The following UGT1A3 variants were observed in gnomAD, a reference collection of about 807,000 sequenced individuals.
UGT1A3 encodes the protein UDP glucuronosyltransferase family 1 member A3, also known as UDP-glucuronosyltransferase 1A3.
In UGT1A3, 31 loss-of-function variants were observed where a neutral mutation model predicts 41.0. That is an observed-to-expected ratio of 0.76 (90% CI 0.57 to 1.02). UGT1A3 has a LOEUF of 1.02. UGT1A3 is among the 50% of genes least tolerant of loss of function. The pLI is 0.00. For missense variants in UGT1A3, 737 were observed against 671.0 expected, an observed-to-expected ratio of 1.10 and a Z score of -1.09; for synonymous variants, 262 against 257.6, an observed-to-expected ratio of 1.02 and a Z score of -0.17.
rs28900404 is a variant in UGT1A3, at chr2:233,769,354, G to A, written c.1307+915G>A. ...TTATTAGAACCTTATGGGAAGAAGT[G>A]GTGGCCAGTGGTAGATTTCATCCGA... On this transcript the variant is annotated intron_variant, in intron 4 of 4. Transcript: ENST00000482026. This position sits in a 1 kb window ranked among gnomAD's most constrained non-coding sequence, Gnocchi z 4.4. Among the ~76,000 whole-genome samples the A allele has an allele frequency of 7.2e-4, 110 of 152,348 alleles. No individual in the cohort carries two copies. The highest frequency in any genetic ancestry group is 2.6e-3 in the African/African-American group (108 of 41,580).
chr2:233,764,999 A>G (rs984767809), intron 1 of UGT1A3, among the ~76,000 whole-genome samples: 8 of 151,978 alleles, frequency 5.3e-5, no homozygotes, highest in Admixed American at 1.3e-4. Flanking sequence ...TTTCCTGGTC[A>G]TGTTCCAAAT....
At position 233,772,525 on chromosome 2, in the gene UGT1A3, G is replaced by T; in HGVS notation, c.1571G>T (p.Arg524Leu). The change falls in exon 5 of 5, where the codon CGA becomes CTA. Residue 524 changes from arginine (R) to leucine (L), a missense_variant. Arg to Leu is a moderately radical substitution (Grantham distance 102). Transcript: ENST00000482026. ...CGGAAATGCTTGGGGAAAAAAGGGCGAGTTAAGAAAGCCCACAAATCCAAG... is the reference window on the plus strand; with the variant it reads ...CGGAAATGCTTGGGGAAAAAAGGGCTAGTTAAGAAAGCCCACAAATCCAAG... ...GYRKCLGKKGRVKKAHKSKTH is the reference protein window; with the variant it reads ...GYRKCLGKKGLVKKAHKSKTH 6.2e-6 allele frequency: 10 copies of T among 1,614,136 alleles called. No individual in the cohort carries two copies. The highest frequency in any genetic ancestry group is 8.5e-6 in the Non-Finnish European group (10 of 1,180,024).
intron 1 of UGT1A3, among the ~76,000 whole-genome samples, chr2:233,730,887 G>T (rs979903664): frequency 2.6e-5 from 4 of 152,076 alleles, no homozygotes; most frequent in African/African-American, 7.2e-5. Context: ...TCTATAGTGG[G>T]ATCTACTCCT....
chr2:233,762,058 G>A (rs1697953737), intron 1 of UGT1A3, among the ~76,000 whole-genome samples: 2 of 151,982 alleles, frequency 1.3e-5, no homozygotes, highest in Non-Finnish European at 2.9e-5. Context: ...TTCCTTCATA[G>A]CACATCAAAT....
At chr2:233,739,640 A>G (rs1691162430) in intron 1 of UGT1A3, among the ~76,000 whole-genome samples, 1 of 152,122 alleles carries the variant, frequency 6.6e-6, no homozygotes, top group African/African-American at 2.4e-5. Context: ...GGGAACATTT[A>G]CCCAATTTCT....
At chr2:233,770,549 T>C (rs1220272101) in intron 4 of UGT1A3, 7 of 151,978 alleles carry the variant, frequency 4.6e-5, no homozygotes, top group Non-Finnish European at 8.8e-5. Flanking sequence ...TCCCAGCTAT[T>C]TGGGAGGCTG....
At chr2:233,760,344 G>C (rs897355036) in intron 1 of UGT1A3, 1 of 1,614,032 alleles carries the variant, frequency 6.2e-7, no homozygotes. Context: ...TGCTGTGTGT[G>C]CTGGGCCCAG....
In UGT1A3 at chr2:233,731,246, C is replaced by T. The variant is rs139669566; in HGVS notation, c.867+1253C>T. Among the ~76,000 whole-genome samples, 684 of 150,450 alleles carry T rather than the reference C, an allele frequency of 4.5e-3. 5 individuals carry two copies. The highest frequency in any genetic ancestry group is 0.016 in the African/African-American group (645 of 41,062). On this transcript the variant is annotated intron_variant, in intron 1 of 4. Coordinates refer to ENST00000482026, the MANE Select transcript of UGT1A3 (RefSeq NM_019093.4). ...GTAAAAATGTTGAAAAGTGGGATGG[C>T]ATTTAAATAGTGACTGTTGCCCTTC... is the stretch of plus-strand genomic sequence containing the variant.
At position 233,757,547 on chromosome 2, in the gene UGT1A3, T is replaced by TAC. The variant is rs1452370067; in HGVS notation, c.868-9486_868-9485insCA. Among the ~76,000 whole-genome samples, 65 of 133,940 alleles carry TAC rather than the reference T, an allele frequency of 4.9e-4. 6 individuals carry two copies. The highest frequency in any genetic ancestry group is 6.5e-4 in the Admixed American group (9 of 13,854). The allele number at this position is 133,940 out of a possible 152,430, so 87.9% of individuals were successfully genotyped here. On this transcript the variant is annotated intron_variant, in intron 1 of 4. Coordinates refer to ENST00000482026, the MANE Select transcript of UGT1A3 (RefSeq NM_019093.4). Reference sequence around the variant, plus strand: ...CTTGCCTGTAAGGAATATATATATATATATATATATATATGTATATATGAT... The same window carrying TAC: ...CTTGCCTGTAAGGAATATATATATATACATATATATATATATGTATATATGAT...
Position 233,769,430 on chromosome 2 carries a change from C to A in UGT1A3, c.1307+991C>A. On this transcript the variant is annotated intron_variant, in intron 4 of 4. Transcript: ENST00000482026. This position sits in a 1 kb window ranked among gnomAD's most constrained non-coding sequence, Gnocchi z 4.4. ...GTGTGCGTTTGTGCATGTGGCTGTG[C>A]TCATGTGTGGGTGCACACGTGTGCA... 1 of 1,537,408 alleles carries A rather than the reference C, an allele frequency of 6.5e-7. No individual in the cohort carries two copies. Among genetic ancestry groups the A allele is most frequent in the Non-Finnish European group, 8.9e-7 (1 of 1,118,580 alleles).
intron 4 of UGT1A3, among the ~76,000 whole-genome samples, chr2:233,771,783 TCTCCCTCCCTCC>T (rs562104634): frequency 6.6e-6 from 1 of 151,556 alleles, no homozygotes; most frequent in African/African-American, 2.4e-5. Context: ...TCCTTTCCTC[TCTCCCTCCCTCC>T]CTCCCTCCCT....
chr2:233,750,338 T>A (rs1437609393), intron 1 of UGT1A3, among the ~76,000 whole-genome samples: 1 of 151,900 alleles, frequency 6.6e-6, no homozygotes, highest in Non-Finnish European at 1.5e-5. Context: ...AGAGAGATGA[T>A]CTGAAATTGG....
intron 1 of UGT1A3, chr2:233,743,961 G>C (rs1220735729): frequency 1.5e-6 from 2 of 1,333,366 alleles, no homozygotes; most frequent in East Asian, 4.6e-5. Context: ...ACAGCGAGCG[G>C]CAAGGCTGCC....
chr2:233,733,214 A>G (rs920142608), intron 1 of UGT1A3, among the ~76,000 whole-genome samples: 2 of 152,180 alleles, frequency 1.3e-5, no homozygotes, highest in African/African-American at 4.8e-5. Flanking sequence ...TTGGGCTGAG[A>G]CAATGGGGTT....
At chr2:233,738,521 G>C (rs1382621592) in intron 1 of UGT1A3, among the ~76,000 whole-genome samples, 2 of 152,174 alleles carry the variant, frequency 1.3e-5, no homozygotes, top group African/African-American at 2.4e-5. Context: ...TAATGTTGTG[G>C]ACAATGAAGT....
chr2:233,743,462 C>A (rs372766492), intron 1 of UGT1A3: 25 of 1,366,220 alleles, frequency 1.8e-5, no homozygotes, highest in Middle Eastern at 2.1e-4. Flanking sequence ...GAAAAAACAC[C>A]CCCAAAAGCT....
chr2:233,772,592 C>A lies in UGT1A3; in HGVS notation c.*33C>A. 1.3e-6 allele frequency: 2 copies of A among 1,599,668 alleles called. No homozygotes were observed. The highest frequency in any genetic ancestry group is 1.7e-6 in the Non-Finnish European group (2 of 1,172,304). On this transcript the variant is annotated 3_prime_UTR_variant, in exon 5 of 5. Transcript: ENST00000482026. ...GTGGGAAATAAGGTAAAATTTTGAA[C>A]CATTCCCTAGTCATTTCCAAACTTG...
chr2:233,747,087 G>A, intron 1 of UGT1A3: 5 of 1,192,212 alleles, frequency 4.2e-6, no homozygotes, highest in Non-Finnish European at 5.8e-6. Flanking sequence ...TAGGAGGAGA[G>A]CACTCTATCT....
intron 1 of UGT1A3, chr2:233,748,062 A>G (rs531373066): frequency 3.5e-4 from 569 of 1,613,430 alleles, no homozygotes; most frequent in Admixed American, 9.3e-4. Context: ...CTGTGCCAAC[A>G]GGAAGCCACT....
Sources: gnomAD v4.1 joint callset for allele counts (sites outside exome capture counted in the v4.1 genomes callset) on GRCh38, gnomAD v4.1.1 for gene constraint, Gnocchi (gnomAD v3.1) non-coding constraint, MANE v1.5 for transcripts, NCBI Gene and HGNC (gene_info 2026-07-23, HGNC 2026-07-21) for gene names.